Variants in CIDEB observed in about 807,000 individuals in gnomAD.
CIDEB encodes lipid transferase CIDEB.
Under a neutral mutation model 22.4 loss-of-function variants are expected in CIDEB, and 27 were observed. That is an observed-to-expected ratio of 1.21 (90% CI 0.89 to 1.66). CIDEB has a LOEUF of 1.66. CIDEB is among the 40% of genes most tolerant of loss of function. The pLI, the probability that CIDEB is intolerant of heterozygous loss-of-function variation, is 0.00. For missense variants in CIDEB, 289 were observed against 268.7 expected (o/e 1.08, Z -0.53); for synonymous variants, 103 against 109.5 (o/e 0.94, Z 0.37).
upstream of CIDEB, chr14:24,311,276 G>A (rs1356692533): frequency 1.3e-6 from 2 of 1,594,120 alleles, no homozygotes; most frequent in East Asian, 2.3e-5. Flanking sequence ...ACAGCGTGAC[G>A]CTGGCACGGC....
chr14:24,307,613 G>T, intron 1 of CIDEB, 98 bp from the exon 2 acceptor site: 2 of 1,414,026 alleles, frequency 1.4e-6, no homozygotes, highest in Non-Finnish European at 2.0e-6. Flanking sequence ...TAGGGAGGGA[G>T]AGATCTAGGT....
upstream of CIDEB, chr14:24,311,286 C>T (rs774231467): frequency 5.7e-6 from 9 of 1,590,110 alleles, no homozygotes; most frequent in East Asian, 2.3e-5. Context: ...GCTGGCACGG[C>T]TGCGGGGCGC....
At chr14:24,307,576 A>G in intron 1 of CIDEB, 61 bp from the exon 2 acceptor site, 2 of 1,552,004 alleles carry the variant, frequency 1.3e-6, no homozygotes, top group Non-Finnish European at 1.8e-6. Context: ...TGTAAAGGGC[A>G]TGATGAGGGT....
rs1411066464 is a variant in CIDEB, at chr14:24,307,878, T to C, written c.-20A>G. On this transcript the variant is annotated 5_prime_UTR_variant, in exon 1 of 5. Transcript: ENST00000554411. Reference sequence around the variant, plus strand: ...CTCCATGGTGGACCGGAGAGTTCCTTCCCTGGAACTTCTGGGCTGGGTGGT... The same window carrying C: ...CTCCATGGTGGACCGGAGAGTTCCTCCCCTGGAACTTCTGGGCTGGGTGGT... 6 of 1,577,418 alleles carry C rather than the reference T, an allele frequency of 3.8e-6. No homozygotes were observed. Among genetic ancestry groups the C allele is most frequent in the Non-Finnish European group, 4.3e-6 (5 of 1,160,220 alleles).
chr14:24,311,237 G>C (rs752218730), upstream of CIDEB: 1 of 1,608,442 alleles, frequency 6.2e-7, no homozygotes, highest in African/African-American at 1.3e-5. Flanking sequence ...CCGCTTTCGT[G>C]CTTCCTTTCG....
In CIDEB at chr14:24,306,396, C is replaced by T. The variant is rs1245907180; in HGVS notation, c.314G>A (p.Gly105Asp). The change falls in exon 3 of 5, where the codon GGT (glycine) becomes GAT (aspartate). Residue 105 changes from glycine (G) to aspartate (D), a missense_variant. By Grantham distance (94) the Gly-to-Asp change is moderately conservative (BLOSUM62 -1). Coordinates refer to ENST00000554411, the MANE Select transcript of CIDEB (RefSeq NM_001393339.1). ...TACCCTTGTAGGGCTCCAGCTCTGA[C>T]CAGACTGCAACACCATCAGGCACGT... ...DDTCLMVLQS[G>D]QSWSPTRSGV... The T allele has an allele frequency of 6.2e-7, 1 of 1,614,242 alleles. No homozygotes were observed. The highest frequency in any genetic ancestry group is 1.1e-5 in the South Asian group (1 of 91,088).
intron 1 of CIDEB, 103 bp from the exon 2 acceptor site, chr14:24,307,618 C>A: frequency 7.4e-7 from 1 of 1,348,430 alleles, no homozygotes; most frequent in African/African-American, 1.5e-5. Context: ...AGGGAGAGAT[C>A]TAGGTTTATC....
intron 1 of CIDEB, 27 bp from the exon 2 acceptor site, chr14:24,307,542 A>C (rs369091366): frequency 1.2e-6 from 2 of 1,605,550 alleles, no homozygotes; most frequent in African/African-American, 2.7e-5. Flanking sequence ...AAAGTCAAGA[A>C]GGGGCGAGGA....
intron 2 of CIDEB, chr14:24,306,789 T>C: frequency 4.0e-6 from 2 of 500,180 alleles, no homozygotes; most frequent in South Asian, 2.3e-5. Context: ...TGGTTTGGAA[T>C]TGGAAAGCAA....
rs767483915 is a variant in CIDEB, at chr14:24,307,395, G to A, written c.162C>T (p.Ala54=). The change falls in exon 2 of 5, where the codon GCC becomes GCT. Residue 54 remains alanine (A), a synonymous_variant. Coordinates refer to ENST00000554411, the MANE Select transcript of CIDEB (RefSeq NM_001393339.1). ...CTTTGGCTAGCAGCTCCTGGCGGGT[G>A]GCAGCTGTCAGGCCTTTCCGGATGG... ...KRTIRKGLTA[A]TRQELLAKAL... The A allele has an allele frequency of 3.2e-5, 51 of 1,613,750 alleles. 1 individual carries two copies. In the South Asian group the frequency reaches 5.6e-4, roughly 18 times the overall value.
chr14:24,308,891 GCAGGCTTGAGCC>G (rs1381434829), upstream of CIDEB: 13 of 152,210 alleles, frequency 8.5e-5, 1 homozygote, highest in Admixed American at 8.5e-4. Context: ...CATTTCCCCT[GCAGGCTTGAGCC>G]CAAGCCAGAG....
chr14:24,311,272 T>C, upstream of CIDEB: 1 of 1,599,362 alleles, frequency 6.3e-7, no homozygotes, highest in Non-Finnish European at 8.5e-7. Flanking sequence ...TGCTACAGCG[T>C]GACGCTGGCA....
Position 24,306,069 on chromosome 14 carries a change from G to A in CIDEB, c.405C>T (p.Thr135=), listed in dbSNP as rs1042635167. ...GAGGGTTTTGCTTGTACACGTCAAA[G>A]GTGAATCGGGCGATGTCCTTGCTGT... is the stretch of plus-strand genomic sequence containing the variant. The part of the protein sequence containing the change: ...PKHSKDIARF[T]FDVYKQNPRD... The change falls in exon 4 of 5, where the codon ACC becomes ACT. Residue 135 remains threonine (T), a synonymous_variant. Transcript: ENST00000554411. 1 of 1,614,072 alleles carries A rather than the reference G, an allele frequency of 6.2e-7. No homozygotes were observed.
Position 24,306,121 on chromosome 14 carries a change from T to C in CIDEB, c.353A>G (p.Tyr118Cys), listed in dbSNP as rs1302297582. 1 of 1,613,784 alleles carries C rather than the reference T, an allele frequency of 6.2e-7. No individual in the cohort carries two copies. The highest frequency in any genetic ancestry group is 1.3e-5 in the African/African-American group (1 of 74,918). The change falls in exon 4 of 5, where the codon TAT (tyrosine) becomes TGT (cysteine). Residue 118 changes from tyrosine to cysteine, a missense_variant. Transcript: ENST00000554411. ...CTTGGGCCTCTCCCGTCCCAGGCCA[T>C]ATGACAGCACTCCACTCTGTAGGAC... ...WSPTRSGVLS[Y>C]GLGRERPKHS...
At chr14:24,307,670 G>A (rs1026817198) in intron 1 of CIDEB, 148 bp downstream of exon 1, 75 of 1,194,782 alleles carry the variant, frequency 6.3e-5, no homozygotes, top group Non-Finnish European at 8.4e-5. Flanking sequence ...AGGTGGGGGC[G>A]GGTGGCTCAG....
Position 24,306,309 on chromosome 14 carries a change from G to C in CIDEB, c.336+65C>G. 3 of 1,602,876 alleles carry C rather than the reference G, an allele frequency of 1.9e-6. No homozygotes were observed. The East Asian group carries it at 6.7e-5, about 36-fold the overall frequency. Reference sequence around the variant, plus strand: ...GGTCCCCAGGATCAGGGTTAAGCTAGAGAGGAAGCCCGGGAAAGCTCTAAA... The same window carrying C: ...GGTCCCCAGGATCAGGGTTAAGCTACAGAGGAAGCCCGGGAAAGCTCTAAA... On this transcript the variant is annotated intron_variant, in intron 3 of 4. Coordinates refer to ENST00000554411, the MANE Select transcript of CIDEB (RefSeq NM_001393339.1).
chr14:24,307,441 C>G lies in CIDEB; in HGVS notation c.116G>C (p.Arg39Pro), dbSNP rs372963517. The G allele has an allele frequency of 5.0e-6, 8 of 1,613,946 alleles. No individual in the cohort carries two copies. The African/African-American group carries it at 8.0e-5, about 16-fold the overall frequency. The change falls in exon 2 of 5, where the codon CGT becomes CCT. Residue 39 changes from arginine to proline, a missense_variant. By Grantham distance (103) the Arg-to-Pro change is moderately radical (BLOSUM62 -2). Coordinates refer to ENST00000554411, the MANE Select transcript of CIDEB (RefSeq NM_001393339.1). ...GATGGTCCGCTTGTGATCACAGACA[C>G]GGAAAGGTCGCTGGGGTGGTGGAGC... is the stretch of plus-strand genomic sequence containing the variant. ...TSAPPPQRPFRVCDHKRTIRK... is the reference protein window; with the variant it reads ...TSAPPPQRPFPVCDHKRTIRK...
At chr14:24,308,283 T>C, upstream of CIDEB, 1 of 238,250 alleles carries the variant, frequency 4.2e-6, no homozygotes, top group East Asian at 1.1e-4. Flanking sequence ...TGCCACCTAC[T>C]GGAGAAGCCA....
chr14:24,307,333 A>G, intron 2 of CIDEB, 38 bp downstream of exon 2: 1 of 1,586,884 alleles, frequency 6.3e-7, no homozygotes, highest in Non-Finnish European at 8.6e-7. Context: ...CCCCTTGGCT[A>G]CCCCTGCTAT....
Sources: gnomAD v4.1 joint callset for allele counts on GRCh38, gnomAD v4.1.1 for gene constraint, MANE v1.5 for transcripts, NCBI Gene and HGNC (gene_info 2026-07-23, HGNC 2026-07-21) for gene names.